The following IGFL2 variants were observed in gnomAD, a reference collection of about 807,000 sequenced individuals.
IGFL2 encodes IGF like family member 2.
IGFL2 carries 7 observed loss-of-function variants against 13.9 expected under a neutral mutation model. The ratio of observed to expected loss-of-function variants is 0.51; its 90% CI spans 0.29 to 0.95. The LOEUF is 0.95. IGFL2 is among the 40% of genes least tolerant of loss of function. IGFL2 has a pLI of 0.08. For missense variants in IGFL2, 138 were observed against 147.8 expected (o/e 0.93, Z 0.34); for synonymous variants, 55 against 55.8 (o/e 0.99, Z 0.07).
At chr19:46,202,055 GGGA>G in the IGFL2 span, among the ~76,000 whole-genome samples, 1 of 152,096 alleles carries the variant, frequency 6.6e-6, no homozygotes, top group African/African-American at 2.4e-5. Context: ...GAGCAGTGTG[GGGA>G]GGAGGGGAGA....
chr19:46,197,900 C>A, the IGFL2 span, among the ~76,000 whole-genome samples: 1 of 151,950 alleles, frequency 6.6e-6, no homozygotes, highest in African/African-American at 2.4e-5. Context: ...TCATGTTGCC[C>A]AGGCTTGTCT....
the IGFL2 span, among the ~76,000 whole-genome samples, chr19:46,200,188 A>T: frequency 6.8e-6 from 1 of 147,056 alleles, no homozygotes; most frequent in African/African-American, 2.5e-5. Context: ...TTATTTTTTG[A>T]GACAAGATCT....
the IGFL2 span, among the ~76,000 whole-genome samples, chr19:46,129,310 TGTG>T: frequency 2.0e-5 from 1 of 50,726 alleles, no homozygotes; most frequent in East Asian, 7.0e-4. Flanking sequence ...TGATCTTTTG[TGTG>T]TGTGTGTGTG....
the IGFL2 span, chr19:46,213,098 C>G: frequency 2.0e-5 from 3 of 152,440 alleles, no homozygotes; most frequent in Non-Finnish European, 4.4e-5. Flanking sequence ...TAGCAATGTA[C>G]CAAGGAAAGT....
chr19:46,086,043 CA>C, the IGFL2 span, among the ~76,000 whole-genome samples: 1 of 152,022 alleles, frequency 6.6e-6, no homozygotes, highest in South Asian at 2.1e-4. Flanking sequence ...TAGGTTACTT[CA>C]AAAGACCCAT....
the IGFL2 span, chr19:46,197,316 G>C: frequency 1.1e-4 from 19 of 180,302 alleles, no homozygotes; most frequent in African/African-American, 4.2e-4. Flanking sequence ...TGAGATTGTG[G>C]GTCCTGGGGG....
chr19:46,119,474 C>T, the IGFL2 span, among the ~76,000 whole-genome samples: 1 of 151,624 alleles, frequency 6.6e-6, no homozygotes, highest in Admixed American at 6.6e-5. Context: ...CTAGAACCTA[C>T]TGACTGGAGC....
chr19:46,133,859 A>G, the IGFL2 span, among the ~76,000 whole-genome samples: 1 of 152,186 alleles, frequency 6.6e-6, no homozygotes, highest in Non-Finnish European at 1.5e-5. Flanking sequence ...TCTCAATGCA[A>G]TAGAAACTGA....
At chr19:46,093,499 A>G in the IGFL2 span, among the ~76,000 whole-genome samples, 7 of 152,310 alleles carry the variant, frequency 4.6e-5, no homozygotes, top group African/African-American at 1.7e-4. Flanking sequence ...GAACAAGGCA[A>G]GGGAGTCTAT....
chr19:46,206,550 G>A, the IGFL2 span, among the ~76,000 whole-genome samples: 4 of 152,154 alleles, frequency 2.6e-5, no homozygotes, highest in Non-Finnish European at 4.4e-5. Flanking sequence ...AGATGGAGGC[G>A]AGCTTATACC....
At chr19:46,080,695 G>T in the IGFL2 span, among the ~76,000 whole-genome samples, 1,278 of 152,316 alleles carry the variant, frequency 8.4e-3, 16 homozygotes, top group African/African-American at 0.029. Flanking sequence ...TGTCCCTGTT[G>T]GTGGTCTTGG....
chr19:46,139,021 T>A (rs1440484178), upstream of IGFL2, among the ~76,000 whole-genome samples: 2 of 152,008 alleles, frequency 1.3e-5, no homozygotes, highest in African/African-American at 2.4e-5. Context: ...CAAATGTCCA[T>A]GGGGGCTGTG....
At chr19:46,169,376 A>G in the IGFL2 span, among the ~76,000 whole-genome samples, 3 of 152,242 alleles carry the variant, frequency 2.0e-5, no homozygotes, top group Non-Finnish European at 2.9e-5. Flanking sequence ...AGAAAGAACA[A>G]TGACCATAAA....
At chr19:46,191,361 C>T in the IGFL2 span, among the ~76,000 whole-genome samples, 2 of 152,082 alleles carry the variant, frequency 1.3e-5, no homozygotes, top group South Asian at 2.1e-4. Flanking sequence ...ACTGAATTTT[C>T]CCTCCCAGGG....
chr19:46,131,781 A>T, the IGFL2 span, among the ~76,000 whole-genome samples: 6 of 152,198 alleles, frequency 3.9e-5, no homozygotes, highest in Middle Eastern at 3.2e-3. Flanking sequence ...TCTACTAAAA[A>T]TACAAAAGTT....
the IGFL2 span, among the ~76,000 whole-genome samples, chr19:46,096,944 T>G: frequency 6.6e-6 from 1 of 152,206 alleles, no homozygotes. Flanking sequence ...ATTTTTGCGT[T>G]GGTATTCATC....
chr19:46,136,982 C>T, the IGFL2 span: 1 of 1,517,022 alleles, frequency 6.6e-7, no homozygotes, highest in Non-Finnish European at 9.1e-7. Context: ...TGTTTTGTCC[C>T]ACACCAACTG....
the IGFL2 span, among the ~76,000 whole-genome samples, chr19:46,167,782 A>G: frequency 6.6e-6 from 1 of 152,184 alleles, no homozygotes; most frequent in Admixed American, 6.5e-5. Context: ...AAGAGCCACC[A>G]GAGAGCTTGT....
chr19:46,124,326 G>C, the IGFL2 span: 4 of 1,608,652 alleles, frequency 2.5e-6, no homozygotes, highest in African/African-American at 1.4e-5. Flanking sequence ...CAAGAGCTAA[G>C]GGAGAAAGGA....
Sources: allele counts gnomAD v4.1 joint callset (sites outside exome capture counted in the v4.1 genomes callset), GRCh38; gene constraint gnomAD v4.1.1; transcripts MANE v1.5; gene names NCBI Gene and HGNC (gene_info 2026-07-23, HGNC 2026-07-21).